Variants in CPA3 observed in about 807,000 individuals in gnomAD.
The protein encoded by CPA3 is carboxypeptidase A3, also known as mast cell carboxypeptidase A.
CPA3 carries 52 observed loss-of-function variants against 55.8 expected under a neutral mutation model. The ratio of observed to expected loss-of-function variants is 0.93; its 90% CI spans 0.75 to 1.17. CPA3 has a LOEUF of 1.17. Ranked by LOEUF, CPA3 falls within the 50% of genes most tolerant of loss-of-function variation. The probability of loss-of-function intolerance (pLI) is 0.00; values close to 1 mark genes in which losing one functional copy is unlikely to be tolerated. For missense variants in CPA3, 547 were observed against 509.1 expected (o/e 1.07, Z -0.72); for synonymous variants, 179 against 171.2 (o/e 1.05, Z -0.36).
At chr3:148,893,223 A>G (rs528351247) in intron 10 of CPA3, among the ~76,000 whole-genome samples, 21 of 152,218 alleles carry the variant, frequency 1.4e-4, no homozygotes, top group African/African-American at 4.6e-4. Context: ...ATTGGAAAAG[A>G]ATTTCAAAGT....
intron 6 of CPA3, among the ~76,000 whole-genome samples, chr3:148,880,611 T>A (rs1022642846): frequency 1.3e-5 from 2 of 152,136 alleles, no homozygotes; most frequent in Non-Finnish European, 2.9e-5. Context: ...GGATAACAGG[T>A]ATGAGCCACC....
intron 10 of CPA3, among the ~76,000 whole-genome samples, chr3:148,895,603 C>T (rs2067503378): frequency 6.6e-6 from 1 of 152,092 alleles, no homozygotes; most frequent in Admixed American, 6.6e-5. Flanking sequence ...CTCCCCAGTG[C>T]CAAGAAATGT....
rs1210419545 is a variant in CPA3, at chr3:148,885,993, T to C, written c.982-100T>C. The C allele has an allele frequency of 2.3e-5, 18 of 794,858 alleles. 1 individual carries two copies. Among genetic ancestry groups the C allele is most frequent in the African/African-American group, 3.5e-5 (2 of 57,836 alleles). 49.2% of individuals were successfully genotyped at this position (794,858 alleles called of 1,614,324 possible). A position where few individuals can be genotyped will look rare whatever the true frequency, so the allele number is the denominator to read the frequency against. ...CAAGGGATAAGCACAGTGCCTAACC[T>C]GTAAGACTCCATTAAAAAATTGCAT... On this transcript the variant is annotated intron_variant, in intron 9 of 10. Coordinates refer to ENST00000296046, the MANE Select transcript of CPA3 (RefSeq NM_001870.4).
rs1431302626 is a variant in CPA3, at chr3:148,883,649, A to G, written c.815A>G (p.Tyr272Cys). 1.2e-6 allele frequency: 2 copies of G among 1,613,924 alleles called. No homozygotes were observed. The highest frequency in any genetic ancestry group is 1.7e-6 in the Non-Finnish European group (2 of 1,179,956). ...ACCAATGACCCATGTGCAGATAACTATCGGGGCTCTGCACCAGAGTCCGAG... is the reference window on the plus strand; with the variant it reads ...ACCAATGACCCATGTGCAGATAACTGTCGGGGCTCTGCACCAGAGTCCGAG... ...PNTNDPCADNYRGSAPESEKE... is the reference protein window; with the variant it reads ...PNTNDPCADNCRGSAPESEKE... Residue 272 changes from tyrosine to cysteine, a missense_variant, in exon 9 of 11, where the codon TAT becomes TGT. Coordinates refer to ENST00000296046, the MANE Select transcript of CPA3 (RefSeq NM_001870.4).
chr3:148,879,973 G>A (rs1004542241), intron 6 of CPA3, 84 bp downstream of exon 6: 7 of 908,644 alleles, frequency 7.7e-6, no homozygotes, highest in African/African-American at 1.7e-5. Flanking sequence ...TTCCAAACAC[G>A]CAATTCCACT....
At chr3:148,883,072 C>A (rs1274217503) in intron 8 of CPA3, among the ~76,000 whole-genome samples, 1 of 152,216 alleles carries the variant, frequency 6.6e-6, no homozygotes, top group African/African-American at 2.4e-5. Context: ...ACAACTATGA[C>A]TTCATCACTG....
chr3:148,868,867 G>T, intron 2 of CPA3, 48 bp from the exon 3 acceptor site: 4 of 1,595,068 alleles, frequency 2.5e-6, no homozygotes, highest in Non-Finnish European at 3.4e-6. Context: ...ATCAATAAGT[G>T]TTGGGTAAGC....
At chr3:148,877,059 T>C (rs1714225694) in intron 3 of CPA3, among the ~76,000 whole-genome samples, 1 of 152,164 alleles carries the variant, frequency 6.6e-6, no homozygotes, top group African/African-American at 2.4e-5. Flanking sequence ...GATATCTGAA[T>C]CCAAGTGAAA....
In CPA3 at chr3:148,878,674, G is replaced by T. The variant is rs1418029205; in HGVS notation, c.400G>T (p.Asp134Tyr). The change falls in exon 5 of 11, where the codon GAT (aspartate) becomes TAT (tyrosine). Residue 134 changes from aspartate to tyrosine, a missense_variant. By Grantham distance (160) the Asp-to-Tyr change is radical. Coordinates refer to ENST00000296046, the MANE Select transcript of CPA3 (RefSeq NM_001870.4). ...TGTGGCTTGGACTGAAAAGATGATG[G>T]ATAAGTATCCTGAAATGGTCTCTCG... ...KIVAWTEKMM[D>Y]KYPEMVSRIK... The T allele has an allele frequency of 1.9e-6, 3 of 1,611,804 alleles. No homozygotes were observed. The highest frequency in any genetic ancestry group is 2.5e-6 in the Non-Finnish European group (3 of 1,178,584).
At chr3:148,873,323 G>A (rs946832398) in intron 3 of CPA3, among the ~76,000 whole-genome samples, 2 of 151,208 alleles carry the variant, frequency 1.3e-5, no homozygotes, top group African/African-American at 4.9e-5. Flanking sequence ...CACCCTGACA[G>A]TGACTCTGCC....
intron 3 of CPA3, among the ~76,000 whole-genome samples, chr3:148,876,258 A>G (rs1714200417): frequency 6.6e-6 from 1 of 151,756 alleles, no homozygotes; most frequent in South Asian, 2.1e-4. Flanking sequence ...CTGAAGAATC[A>G]AAGATACAAT....
At chr3:148,874,533 A>C (rs148065971) in intron 3 of CPA3, among the ~76,000 whole-genome samples, 1 of 152,172 alleles carries the variant, frequency 6.6e-6, no homozygotes, top group African/African-American at 2.4e-5. Flanking sequence ...TGCTGTCACA[A>C]GTTTATTTTC....
intron 3 of CPA3, among the ~76,000 whole-genome samples, chr3:148,877,714 T>C (rs1206486833): frequency 6.6e-6 from 1 of 152,196 alleles, no homozygotes; most frequent in Non-Finnish European, 1.5e-5. Flanking sequence ...AATAATCTAA[T>C]GTGAAGATTA....
intron 3 of CPA3, among the ~76,000 whole-genome samples, chr3:148,872,579 T>A (rs1014477578): frequency 6.6e-6 from 1 of 152,220 alleles, no homozygotes; most frequent in Non-Finnish European, 1.5e-5. Context: ...AATGTCTAAC[T>A]GCCTAATAAT....
At chr3:148,895,891 A>T (rs1295504112) in intron 10 of CPA3, among the ~76,000 whole-genome samples, 1 of 152,218 alleles carries the variant, frequency 6.6e-6, no homozygotes, top group Non-Finnish European at 1.5e-5. Context: ...ATATGTATAT[A>T]GCCTCTAGAT....
intron 6 of CPA3, 91 bp from the exon 7 acceptor site, chr3:148,881,431 A>G (rs1380984652): frequency 2.2e-5 from 15 of 678,712 alleles, no homozygotes; most frequent in Non-Finnish European, 5.1e-6. Context: ...GACCTTGGGA[A>G]GTGACTCAAG....
intron 3 of CPA3, among the ~76,000 whole-genome samples, chr3:148,872,657 T>C (rs1167528968): frequency 6.6e-6 from 1 of 152,218 alleles, no homozygotes; most frequent in Non-Finnish European, 1.5e-5. Flanking sequence ...TTCAATCAAA[T>C]CATTCTAATG....
At chr3:148,888,759 G>A (rs563276128) in intron 10 of CPA3, among the ~76,000 whole-genome samples, 33 of 151,848 alleles carry the variant, frequency 2.2e-4, no homozygotes, top group South Asian at 8.3e-4. Context: ...ATAATTATCC[G>A]TGTGTGTGTA....
chr3:148,881,533 T>C lies in CPA3; in HGVS notation c.588T>C (p.Thr196=). Residue 196 remains threonine, a synonymous_variant, in exon 7 of 11, where the codon ACT becomes ACC. Coordinates refer to ENST00000296046, the MANE Select transcript of CPA3 (RefSeq NM_001870.4). The part of the protein sequence containing the change: ...CQWFVYQATK[T]YGRNKIMTKL... ...TTCACCTCCGACAGGCAACCAAAACTTATGGGAGAAACAAAATTATGACCA... is the reference window on the plus strand; with the variant it reads ...TTCACCTCCGACAGGCAACCAAAACCTATGGGAGAAACAAAATTATGACCA... The C allele has an allele frequency of 6.2e-7, 1 of 1,611,338 alleles. No homozygotes were observed.
Sources: allele counts gnomAD v4.1 joint callset (sites outside exome capture counted in the v4.1 genomes callset), GRCh38; gene constraint gnomAD v4.1.1; transcripts MANE v1.5; gene names NCBI Gene and HGNC (gene_info 2026-07-23, HGNC 2026-07-21).